The following ADAMTS18 variants were observed in gnomAD, a reference collection of about 807,000 sequenced individuals.
The protein encoded by ADAMTS18 is A disintegrin and metalloproteinase with thrombospondin motifs 18.
ADAMTS18 carries 157 observed loss-of-function variants against 165.9 expected under a neutral mutation model. That is an observed-to-expected ratio of 0.95 (90% CI 0.83 to 1.08). The LOEUF is 1.08. Among genes scored for constraint, ADAMTS18 ranks in the 50% least tolerant of loss-of-function variants. ADAMTS18 has a pLI of 0.00. For synonymous variants in ADAMTS18, 782 were observed against 578.2 expected (o/e 1.35, Z -5.06); for missense variants, 2,040 against 1,534.0 (o/e 1.33, Z -5.51).
rs183622474 is a variant in ADAMTS18 at position 77,294,995 on chromosome 16, G to A, written c.2934C>T (p.Ser978=). The A allele has an allele frequency of 1.2e-6, 2 of 1,614,142 alleles. No individual in the cohort carries two copies. Among genetic ancestry groups the A allele is most frequent in the Admixed American group, 3.3e-5 (2 of 60,020 alleles). Residue 978 remains serine (S), a synonymous_variant, in exon 19 of 23, where the codon AGC becomes AGT. Coordinates refer to ENST00000282849, the MANE Select transcript of ADAMTS18 (RefSeq NM_199355.4). ...EAVLHSLCPV[S]TPTQVQACNS... The stretch of plus-strand genomic sequence containing the variant: ...TGCAGGCTTGGACCTGAGTGGGTGT[G>A]CTCACTGGACAGAGAGAATGCAACA...
chr16:77,367,754 T>C (rs754988893), intron 3 of ADAMTS18, 31 bp from the exon 4 acceptor site: 7 of 1,614,152 alleles, frequency 4.3e-6, no homozygotes, highest in Admixed American at 1.7e-5. Context: ...CAAACAGTCA[T>C]GATTCCATGC....
At chr16:77,349,357 T>C (rs999272130) in intron 10 of ADAMTS18, among the ~76,000 whole-genome samples, 4 of 151,996 alleles carry the variant, frequency 2.6e-5, no homozygotes, top group African/African-American at 9.7e-5. Context: ...AATTTCACCA[T>C]GGCAATGGAA....
At chr16:77,426,028 G>A (rs1459421897) in intron 3 of ADAMTS18, among the ~76,000 whole-genome samples, 4 of 151,916 alleles carry the variant, frequency 2.6e-5, no homozygotes, top group Non-Finnish European at 2.9e-5. Context: ...GCAACACAGC[G>A]AGACTCCACA....
intron 3 of ADAMTS18, among the ~76,000 whole-genome samples, chr16:77,393,247 A>C (rs1290378796): frequency 1.3e-5 from 2 of 152,182 alleles, no homozygotes; most frequent in African/African-American, 2.4e-5. Flanking sequence ...GTACAACTCG[A>C]AGTTCAGGGC....
In ADAMTS18 at chr16:77,300,277, A is replaced by G. The variant is rs768021552; in HGVS notation, c.2660T>C (p.Val887Ala). ...TWSIVQSECS[V>A]SCGGGYINVK... ...AAATCATCTACCTCCACCACAGGAG[A>G]CGGAGCACTCTGACTGCACGATACT... Residue 887 changes from valine to alanine, a missense_variant, in exon 17 of 23, where the codon GTC (valine) becomes GCC (alanine). Coordinates refer to ENST00000282849, the MANE Select transcript of ADAMTS18 (RefSeq NM_199355.4). 1.2e-6 allele frequency: 2 copies of G among 1,614,072 alleles called. No homozygotes were observed. Among genetic ancestry groups the G allele is most frequent in the Admixed American group, 3.3e-5 (2 of 60,022 alleles).
At chr16:77,295,516 G>A (rs1567459710) in intron 18 of ADAMTS18, among the ~76,000 whole-genome samples, 1 of 152,202 alleles carries the variant, frequency 6.6e-6, no homozygotes, top group Non-Finnish European at 1.5e-5. Context: ...ACACAGTAAA[G>A]AGGTGGATAT....
chr16:77,395,652 G>T (rs1402244194), intron 3 of ADAMTS18, among the ~76,000 whole-genome samples: 1 of 152,090 alleles, frequency 6.6e-6, no homozygotes, highest in Non-Finnish European at 1.5e-5. Context: ...CACCTTGACA[G>T]TGTTTTAAGC....
chr16:77,400,348 G>C (rs1013970700), intron 3 of ADAMTS18, among the ~76,000 whole-genome samples: 3 of 151,998 alleles, frequency 2.0e-5, no homozygotes, highest in African/African-American at 2.4e-5. Context: ...TTTGGGGATG[G>C]AGTGAGTTAA....
At chr16:77,383,366 T>C (rs1449908358) in intron 3 of ADAMTS18, among the ~76,000 whole-genome samples, 1 of 152,176 alleles carries the variant, frequency 6.6e-6, no homozygotes, top group Non-Finnish European at 1.5e-5. Context: ...CTCTAGCATC[T>C]TCTACCTCTT....
At chr16:77,415,250 G>C (rs1367256551) in intron 3 of ADAMTS18, among the ~76,000 whole-genome samples, 3 of 152,196 alleles carry the variant, frequency 2.0e-5, no homozygotes, top group Non-Finnish European at 4.4e-5. Flanking sequence ...CTTCCTCTAT[G>C]AGACTAGGAG....
chr16:77,425,868 C>T (rs1191947258), intron 3 of ADAMTS18, among the ~76,000 whole-genome samples: 1 of 152,002 alleles, frequency 6.6e-6, no homozygotes, highest in Non-Finnish European at 1.5e-5. Context: ...AATGATGAAA[C>T]CCCATCTCTA....
intron 12 of ADAMTS18, among the ~76,000 whole-genome samples, chr16:77,334,845 TATATA>T (rs1363515749): frequency 3.1e-4 from 40 of 129,334 alleles, no homozygotes; most frequent in African/African-American, 9.5e-4. Context: ...GTATACAGTA[TATATA>T]ATATACTATA....
chr16:77,372,732 T>C (rs1043922850), intron 3 of ADAMTS18, among the ~76,000 whole-genome samples: 4 of 152,168 alleles, frequency 2.6e-5, no homozygotes, highest in African/African-American at 9.7e-5. Context: ...CTTCAGGATA[T>C]ACCTCAGAGA....
intron 11 of ADAMTS18, among the ~76,000 whole-genome samples, chr16:77,339,217 G>T (rs1454146705): frequency 6.6e-6 from 1 of 151,318 alleles, no homozygotes; most frequent in Non-Finnish European, 1.5e-5. Flanking sequence ...GGTGAAGGAA[G>T]AATCTGAGGA....
intron 22 of ADAMTS18, among the ~76,000 whole-genome samples, chr16:77,287,376 C>G (rs1052298217): frequency 6.6e-6 from 1 of 152,084 alleles, no homozygotes; most frequent in Non-Finnish European, 1.5e-5. Flanking sequence ...GGAGAAAATC[C>G]TCAACTTAGT....
Position 77,325,342 on chromosome 16 carries a change from A to C in ADAMTS18, c.2032+524T>G, listed in dbSNP as rs141245560. 2.7e-3 allele frequency among the ~76,000 whole-genome samples: 405 copies of C among 152,304 alleles called. 1 individual carries two copies. The highest frequency in any genetic ancestry group is 8.7e-3 in the African/African-American group (360 of 41,564). On this transcript the variant is annotated intron_variant, in intron 13 of 22. Coordinates refer to ENST00000282849, the MANE Select transcript of ADAMTS18 (RefSeq NM_199355.4). The stretch of plus-strand genomic sequence containing the variant: ...AAGACACATTAATTTAAAAAGTAAA[A>C]TATAAGCCATAACTTTAAGTATAGT...
chr16:77,340,085 G>A (rs565845259), intron 11 of ADAMTS18, among the ~76,000 whole-genome samples: 61 of 152,248 alleles, frequency 4.0e-4, no homozygotes, highest in Middle Eastern at 3.4e-3. Flanking sequence ...TCTGGGCCCC[G>A]ACAGCAACTA....
At chr16:77,386,078 A>G (rs1597208884) in intron 3 of ADAMTS18, among the ~76,000 whole-genome samples, 1 of 152,224 alleles carries the variant, frequency 6.6e-6, no homozygotes, top group East Asian at 1.9e-4. Flanking sequence ...GTTATTCCAC[A>G]TCTGAAATTC....
chr16:77,329,438 C>G (rs2056151307), intron 12 of ADAMTS18, among the ~76,000 whole-genome samples: 1 of 152,154 alleles, frequency 6.6e-6, no homozygotes, highest in South Asian at 2.1e-4. Flanking sequence ...TCTGCCTCCT[C>G]CCAGCTTAAA....
Sources: allele counts gnomAD v4.1 joint callset (sites outside exome capture counted in the v4.1 genomes callset), GRCh38; gene constraint gnomAD v4.1.1; transcripts MANE v1.5; gene names NCBI Gene and HGNC (gene_info 2026-07-23, HGNC 2026-07-21).